CD207: variants seen among roughly 807,000 people sequenced by gnomAD.
CD207 encodes C-type lectin domain family 4 member K.
Under a neutral mutation model 31.6 loss-of-function variants are expected in CD207, and 28 were observed. That is an observed-to-expected ratio of 0.89 (90% confidence interval 0.66 to 1.21). CD207 has a LOEUF of 1.21. Among genes scored for constraint, CD207 ranks in the 50% most tolerant of loss-of-function variants. CD207 has a pLI of 0.00. For missense variants in CD207, 388 were observed against 397.8 expected, an observed-to-expected ratio of 0.98 and a Z score of 0.21; for synonymous variants, 168 against 153.9, an observed-to-expected ratio of 1.09 and a Z score of -0.68.
intron 4 of CD207, 91 bp from the exon 5 acceptor site, chr2:70,831,910 C>A: frequency 1.2e-6 from 1 of 832,430 alleles, no homozygotes; most frequent in Non-Finnish European, 2.1e-6. Flanking sequence ...TCAGTGACAG[C>A]CCTGACCCAC....
downstream of CD207, among the ~76,000 whole-genome samples, chr2:70,827,405 G>C (rs1020885959): frequency 6.6e-5 from 10 of 152,184 alleles, no homozygotes; most frequent in South Asian, 2.1e-4. Flanking sequence ...GATGGGAACA[G>C]AGAGGCAGAG....
At chr2:70,825,047 C>T in the CD207 span, among the ~76,000 whole-genome samples, 1 of 152,172 alleles carries the variant, frequency 6.6e-6, no homozygotes, top group Non-Finnish European at 1.5e-5. Flanking sequence ...TCAACGCCAA[C>T]AGTAATGAAT....
chr2:70,830,927 G>T lies in CD207; in HGVS notation c.*123C>A. On this transcript the variant is annotated 3_prime_UTR_variant, in exon 6 of 6. Transcript: ENST00000410009. Reference sequence around the variant, plus strand: ...AGACGGACTCCAGAATGCCACTGTGGGACAATTTTGAAGCAAGAAAAATTA... The same window carrying T: ...AGACGGACTCCAGAATGCCACTGTGTGACAATTTTGAAGCAAGAAAAATTA... 1.1e-6 allele frequency: 1 copy of T among 902,440 alleles called. No individual in the cohort carries two copies. Among genetic ancestry groups the T allele is most frequent in the Non-Finnish European group, 1.6e-6 (1 of 610,456 alleles). 55.9% of individuals were successfully genotyped at this position (902,440 alleles called of 1,614,324 possible). A position where few individuals can be genotyped will look rare whatever the true frequency, so the allele number is the denominator to read the frequency against.
chr2:70,831,264 T>C, intron 5 of CD207, 64 bp from the exon 6 acceptor site: 1 of 1,505,914 alleles, frequency 6.6e-7, no homozygotes, highest in South Asian at 1.2e-5. Flanking sequence ...TTATTTCCAG[T>C]GAAGAAATGA....
rs112095621 is a variant in CD207 at position 70,835,543 on chromosome 2, T to G, written c.138A>C (p.Leu46Phe). Residue 46 changes from leucine to phenylalanine, a missense_variant, in exon 2 of 6, where the codon TTA (leucine) becomes TTC (phenylalanine). Leu to Phe is a conservative substitution (Grantham distance 22). Transcript: ENST00000410009. ...PGKTPTVRAA[L>F]ICLTLVLVAS... ...CGACCAGGACCAGCGTCAGGCAGAT[T>G]AATGCAGCACGGACTGTGGGTGTTT... is the stretch of plus-strand genomic sequence containing the variant. 6.2e-7 allele frequency: 1 copy of G among 1,613,870 alleles called. No individual in the cohort carries two copies. The highest frequency in any genetic ancestry group is 1.7e-5 in the Admixed American group (1 of 60,012).
rs377312536 is a variant in CD207 at position 70,835,563 on chromosome 2, G to A, written c.118C>T (p.Pro40Ser). ...CAGATTAATGCAGCACGGACTGTGG[G>A]TGTTTTCCCCGGGACCAGAGATGGA... The part of the protein sequence containing the change: ...SGPSLVPGKT[P>S]TVRAALICLT... Residue 40 changes from proline (P) to serine (S), a missense_variant, in exon 2 of 6, where the codon CCC becomes TCC. Transcript: ENST00000410009. 1.9e-6 allele frequency: 3 copies of A among 1,614,044 alleles called. No individual in the cohort carries two copies. The highest frequency in any genetic ancestry group is 2.5e-6 in the Non-Finnish European group (3 of 1,179,894).
intron 3 of CD207, 26 bp from the exon 4 acceptor site, chr2:70,833,077 C>T (rs781788022): frequency 1.2e-5 from 20 of 1,612,662 alleles, no homozygotes; most frequent in Middle Eastern, 3.3e-4. Context: ...TAAAAGTGAA[C>T]GCTGGTATTC....
downstream of CD207, among the ~76,000 whole-genome samples, chr2:70,825,361 A>G (rs190152913): frequency 6.6e-6 from 1 of 152,186 alleles, no homozygotes; most frequent in East Asian, 1.9e-4. Flanking sequence ...GGGAAAACCA[A>G]CGAAATCTGA....
intron 2 of CD207, among the ~76,000 whole-genome samples, chr2:70,834,415 G>T (rs1677555186): frequency 1.3e-5 from 2 of 151,552 alleles, no homozygotes; most frequent in Non-Finnish European, 2.9e-5. Flanking sequence ...CCCACCCCTT[G>T]GTTGCCATCC....
At chr2:70,829,508 A>T (rs1462934539), downstream of CD207, among the ~76,000 whole-genome samples, 1 of 152,192 alleles carries the variant, frequency 6.6e-6, no homozygotes, top group Non-Finnish European at 1.5e-5. Flanking sequence ...GCTGGCAGAG[A>T]AGTGAAACCC....
the CD207 span, among the ~76,000 whole-genome samples, chr2:70,824,622 C>CAAAAAAAAAAAAAAA: frequency 7.7e-5 from 3 of 38,768 alleles, no homozygotes; most frequent in African/African-American, 1.0e-4. Context: ...GCTTAGTTAC[C>CAAAAAAAAAAAAAAA]AAAAAAAAAA....
chr2:70,831,205 C>T lies in CD207; in HGVS notation c.837-5G>A. On this transcript the variant is annotated splice_region_variant and splice_polypyrimidine_tract_variant and intron_variant, in intron 5 of 5. Coordinates refer to ENST00000410009, the MANE Select transcript of CD207 (RefSeq NM_015717.5). ...GGCTCACCTGGAATCCAGAACCTAC[C>T]AAGAGCGGGGAAAAAGATGGATTTA... 2 of 1,596,790 alleles carry T rather than the reference C, an allele frequency of 1.3e-6. No individual in the cohort carries two copies. Among genetic ancestry groups the T allele is most frequent in the South Asian group, 2.3e-5 (2 of 87,370 alleles).
At position 70,833,065 on chromosome 2, in the gene CD207, G is replaced by A. The variant is rs782531490; in HGVS notation, c.566-14C>T. 2 of 1,613,646 alleles carry A rather than the reference G, an allele frequency of 1.2e-6. No homozygotes were observed. Among genetic ancestry groups the A allele is most frequent in the South Asian group, 2.2e-5 (2 of 91,000 alleles). On this transcript the variant is annotated splice_polypyrimidine_tract_variant and intron_variant, in intron 3 of 5. Coordinates refer to ENST00000410009, the MANE Select transcript of CD207 (RefSeq NM_015717.5). ...GTAGAATATCATCTAGAGAACAAGAGGTAAAAGTGAACGCTGGTATTCTTG... is the reference window on the plus strand; with the variant it reads ...GTAGAATATCATCTAGAGAACAAGAAGTAAAAGTGAACGCTGGTATTCTTG...
chr2:70,834,672 C>G lies in CD207; in HGVS notation c.191-652G>C, dbSNP rs529016708. On this transcript the variant is annotated intron_variant, in intron 2 of 5. Transcript: ENST00000410009. ...AGGATCAAAGATAAACCAAGAGGCT[C>G]AAAGGCGAGCCCTGAGGAAAATGCG... Among the ~76,000 whole-genome samples the G allele has an allele frequency of 1.1e-4, 17 of 152,250 alleles. No homozygotes were observed. In the South Asian group the frequency reaches 1.5e-3, roughly 13 times the overall value.
At chr2:70,824,499 T>C in the CD207 span, among the ~76,000 whole-genome samples, 1 of 151,410 alleles carries the variant, frequency 6.6e-6, no homozygotes, top group African/African-American at 2.4e-5. Flanking sequence ...CTAACACCAT[T>C]CTCCAAAAAA....
In CD207 at chr2:70,835,698, G is replaced by C. The variant is rs1045099388; in HGVS notation, c.73+6C>G. 7.4e-6 allele frequency: 12 copies of C among 1,613,262 alleles called. No individual in the cohort carries two copies. Among genetic ancestry groups the C allele is most frequent in the Non-Finnish European group, 1.0e-5 (12 of 1,179,540 alleles). Reference sequence around the variant, plus strand: ...GGAGCAGGTTCTCAGCAGCGATGTGGCTTGCCTCGGGGCCAGAGGGAGATG... The same window carrying C: ...GGAGCAGGTTCTCAGCAGCGATGTGCCTTGCCTCGGGGCCAGAGGGAGATG... On this transcript the variant is annotated splice_donor_region_variant and intron_variant, in intron 1 of 5. Transcript: ENST00000410009.
Position 70,833,009 on chromosome 2 carries a change from T to C in CD207, c.608A>G (p.Lys203Arg). The change falls in exon 4 of 6, where the codon AAG becomes AGG. Residue 203 changes from lysine (K) to arginine (R), a missense_variant. Lys to Arg is a conservative substitution (Grantham distance 26). Coordinates refer to ENST00000410009, the MANE Select transcript of CD207 (RefSeq NM_015717.5). Reference sequence around the variant, plus strand: ...GAGAGAAAAGTAATAGAAGTTCCCCTTGAAGTACTTCCAGCCTTGAGAAAC... The same window carrying C: ...GAGAGAAAAGTAATAGAAGTTCCCCCTGAAGTACTTCCAGCCTTGAGAAAC... ...QVVSQGWKYF[K>R]GNFYYFSLIP... 1 of 1,613,914 alleles carries C rather than the reference T, an allele frequency of 6.2e-7. No individual in the cohort carries two copies. Among genetic ancestry groups the C allele is most frequent in the Non-Finnish European group, 8.5e-7 (1 of 1,179,802 alleles).
At chr2:70,835,158 C>T (rs530931429) in intron 2 of CD207, among the ~76,000 whole-genome samples, 1 of 152,152 alleles carries the variant, frequency 6.6e-6, no homozygotes, top group Admixed American at 6.5e-5. Context: ...ATCCAAGGAG[C>T]AGAGCTCAGA....
the CD207 span, among the ~76,000 whole-genome samples, chr2:70,824,360 C>T: frequency 6.6e-6 from 1 of 152,046 alleles, no homozygotes; most frequent in Admixed American, 6.6e-5. Context: ...AGTCCTGTCA[C>T]CATGGTGCAA....
Sources: allele counts gnomAD v4.1 joint callset (sites outside exome capture counted in the v4.1 genomes callset), GRCh38; gene constraint gnomAD v4.1.1; transcripts MANE v1.5; gene names NCBI Gene and HGNC (gene_info 2026-07-23, HGNC 2026-07-21).